Variants in ATP13A5 observed in about 807,000 individuals in gnomAD.
The protein encoded by ATP13A5 is probable cation-transporting ATPase 13A5.
Under a neutral mutation model 150.2 loss-of-function variants are expected in ATP13A5, and 149 were observed. The observed-to-expected ratio is 0.99, with a 90% confidence interval of 0.87 to 1.14. The LOEUF is 1.14. ATP13A5 is among the 50% of genes most tolerant of loss of function. The pLI is 0.00. For missense variants in ATP13A5, 1,383 were observed against 1,449.3 expected (o/e 0.95, Z 0.74); for synonymous variants, 497 against 522.2 (o/e 0.95, Z 0.66).
intron 27 of ATP13A5, among the ~76,000 whole-genome samples, chr3:193,280,684 C>CTTTA (rs1399589444): frequency 3.3e-5 from 5 of 152,182 alleles, no homozygotes; most frequent in Admixed American, 6.5e-5. Flanking sequence ...CTGTCAGAGC[C>CTTTA]TTTAGCAGAG....
chr3:193,275,379 C>T (rs1161596712), intron 29 of ATP13A5, 77 bp from the exon 30 acceptor site: 2 of 1,517,594 alleles, frequency 1.3e-6, no homozygotes, highest in African/African-American at 2.8e-5. Context: ...ACCACAGCCA[C>T]CTCCTTTCCC....
intron 16 of ATP13A5, among the ~76,000 whole-genome samples, chr3:193,321,026 T>C (rs1719251207): frequency 6.6e-6 from 1 of 152,186 alleles, no homozygotes; most frequent in African/African-American, 2.4e-5. Flanking sequence ...AGAGCAGTCA[T>C]GTCTGCAGAA....
intron 11 of ATP13A5, among the ~76,000 whole-genome samples, chr3:193,333,349 C>T (rs1006828761): frequency 6.6e-6 from 1 of 152,172 alleles, no homozygotes; most frequent in Non-Finnish European, 1.5e-5. Context: ...CAAAATCAGA[C>T]TCTCAGGACC....
chr3:193,356,578 T>TA (rs201611183), intron 5 of ATP13A5, among the ~76,000 whole-genome samples: 93 of 149,144 alleles, frequency 6.2e-4, no homozygotes, highest in East Asian at 3.5e-3. Context: ...GACTCTAATT[T>TA]AAAAAAAAAA....
intron 1 of ATP13A5, among the ~76,000 whole-genome samples, chr3:193,369,823 A>G (rs1713381037): frequency 6.6e-6 from 1 of 152,146 alleles, no homozygotes; most frequent in South Asian, 2.1e-4. Flanking sequence ...GGGGAATATT[A>G]ATAGCATACA....
At chr3:193,281,728 C>G (rs1324067152) in intron 27 of ATP13A5, among the ~76,000 whole-genome samples, 2 of 152,046 alleles carry the variant, frequency 1.3e-5, no homozygotes, top group Admixed American at 6.5e-5. Flanking sequence ...TGTTTGTTAT[C>G]TTATTACATT....
chr3:193,365,143 C>G (rs763649270), intron 1 of ATP13A5, among the ~76,000 whole-genome samples: 6 of 152,058 alleles, frequency 3.9e-5, no homozygotes, highest in Non-Finnish European at 7.4e-5. Flanking sequence ...CTCTACTATA[C>G]TATTATTTTA....
At chr3:193,370,653 A>G (rs1387708) in intron 1 of ATP13A5, among the ~76,000 whole-genome samples, 143,171 of 152,254 alleles carry the variant, frequency 0.94, 67,373 homozygotes, top group East Asian at 0.97. Context: ...AAGATATGAT[A>G]TCTTGAATCC....
chr3:193,352,719 G>A (rs532577369), intron 6 of ATP13A5, among the ~76,000 whole-genome samples: 1 of 152,204 alleles, frequency 6.6e-6, no homozygotes, highest in Admixed American at 6.5e-5. Context: ...GCTATGAACC[G>A]AAAACTAGTC....
rs370473259 is a variant in ATP13A5, at chr3:193,339,791, C to CT, written c.943+4135dup. 7.7e-3 allele frequency among the ~76,000 whole-genome samples: 1,163 copies of CT among 150,784 alleles called. 13 individuals are homozygous for CT. Among genetic ancestry groups the CT allele is most frequent in the African/African-American group, 0.026 (1,086 of 41,120 alleles). On this transcript the variant is annotated intron_variant, in intron 9 of 29. Coordinates refer to ENST00000342358, the MANE Select transcript of ATP13A5 (RefSeq NM_198505.4). ...GAGGCGAATACTTAGAGATCATTTC[C>CT]TTTTTTTTTGCTTTTGAATCACAGA...
intron 17 of ATP13A5, among the ~76,000 whole-genome samples, chr3:193,317,681 C>G (rs1226459699): frequency 2.6e-5 from 4 of 152,018 alleles, no homozygotes; most frequent in Non-Finnish European, 5.9e-5. Context: ...ATCCTTTTAC[C>G]CTGTTTGAAA....
Position 193,306,068 on chromosome 3 carries a change from C to T in ATP13A5, c.2569-400G>A, listed in dbSNP as rs78844843. Among the ~76,000 whole-genome samples the T allele has an allele frequency of 4.0e-3, 615 of 151,984 alleles. 9 individuals carry two copies. Among genetic ancestry groups the T allele is most frequent in the East Asian group, 0.037 (194 of 5,174 alleles). ...AGTTCTTGTACCTGGTGGGAATCTT[C>T]ATGAACAAAGGTGAAAGAATTCCTA... On this transcript the variant is annotated intron_variant, in intron 22 of 29. Transcript: ENST00000342358.
intron 19 of ATP13A5, chr3:193,312,825 C>G (rs1718905221): frequency 6.6e-6 from 1 of 152,162 alleles, no homozygotes; most frequent in Non-Finnish European, 1.5e-5. Context: ...CCCTTTCTAT[C>G]TCCAATTGCA....
chr3:193,364,046 A>C, intron 2 of ATP13A5, 61 bp downstream of exon 2: 3 of 1,536,272 alleles, frequency 2.0e-6, no homozygotes, highest in Non-Finnish European at 2.7e-6. Flanking sequence ...GAGTTATGCC[A>C]CAGAGGCAAT....
chr3:193,310,328 A>G (rs1484220385), intron 21 of ATP13A5, among the ~76,000 whole-genome samples: 4 of 152,240 alleles, frequency 2.6e-5, no homozygotes. Flanking sequence ...TGCAGTGAAC[A>G]GTCACATGCA....
At chr3:193,376,121 T>C (rs1304868438) in intron 1 of ATP13A5, among the ~76,000 whole-genome samples, 2 of 152,232 alleles carry the variant, frequency 1.3e-5, no homozygotes, top group Non-Finnish European at 2.9e-5. Context: ...TACTGATTGT[T>C]TTCAAAAGAT....
At chr3:193,353,360 A>G (rs1263161614) in intron 6 of ATP13A5, among the ~76,000 whole-genome samples, 3 of 152,202 alleles carry the variant, frequency 2.0e-5, no homozygotes, top group African/African-American at 7.2e-5. Context: ...ATTTTTAAAA[A>G]CAAAAACAAA....
intron 22 of ATP13A5, among the ~76,000 whole-genome samples, chr3:193,306,802 T>C (rs1367475938): frequency 6.6e-6 from 1 of 152,204 alleles, no homozygotes; most frequent in Non-Finnish European, 1.5e-5. Flanking sequence ...ATAAAATAAC[T>C]AAATAGTTTG....
At chr3:193,355,745 C>T (rs1204288273) in intron 5 of ATP13A5, among the ~76,000 whole-genome samples, 2 of 152,126 alleles carry the variant, frequency 1.3e-5, no homozygotes, top group South Asian at 2.1e-4. Flanking sequence ...TAACTCAAAC[C>T]ATTTCAGTAC....
Sources: gnomAD v4.1 joint callset for allele counts (sites outside exome capture counted in the v4.1 genomes callset) on GRCh38, gnomAD v4.1.1 for gene constraint, MANE v1.5 for transcripts, NCBI Gene and HGNC (gene_info 2026-07-23, HGNC 2026-07-21) for gene names.